Variants in SGCD observed in about 807,000 individuals in gnomAD.
SGCD encodes the protein delta-sarcoglycan.
SGCD carries 18 observed loss-of-function variants against 36.6 expected under a neutral mutation model. The observed-to-expected ratio is 0.49, with a 90% CI of 0.34 to 0.73. SGCD has a LOEUF of 0.73. Among genes scored for constraint, SGCD ranks in the 30% least tolerant of loss-of-function variants. The pLI is 0.01. For missense variants in SGCD, 387 were observed against 346.7 expected (o/e 1.12, Z -0.92); for synonymous variants, 133 against 130.6 (o/e 1.02, Z -0.12).
chr5:156,321,375 G>A lies in SGCD; in HGVS notation c.-43-8159G>A, dbSNP rs550971949. Among the ~76,000 whole-genome samples the A allele has an allele frequency of 3.3e-5, 5 of 152,166 alleles. No individual in the cohort carries two copies. The East Asian group carries it at 5.8e-4, about 18-fold the overall frequency. On this transcript the variant is annotated intron_variant, in intron 3 of 9. Transcript: ENST00000517913. ...GTGGAGCTTGCAGTGAGCCGAGATC[G>A]CACCACTGCACTCCAGCCTGGGTGA...
the SGCD span, among the ~76,000 whole-genome samples, chr5:155,803,463 G>A: frequency 2.0e-5 from 3 of 152,170 alleles, no homozygotes; most frequent in South Asian, 2.1e-4. Flanking sequence ...GACAGAGTAA[G>A]AGGGGAAATA....
At chr5:156,609,321 T>C (rs190296647) in intron 6 of SGCD, among the ~76,000 whole-genome samples, 1 of 152,346 alleles carries the variant, frequency 6.6e-6, no homozygotes, top group Non-Finnish European at 1.5e-5. Flanking sequence ...TTTGGCTGGA[T>C]ATGAGATGCT....
At chr5:156,070,035 G>A (rs1336133239) in intron 1 of SGCD, among the ~76,000 whole-genome samples, 3 of 151,846 alleles carry the variant, frequency 2.0e-5, no homozygotes, top group African/African-American at 4.9e-5. Flanking sequence ...TTTGGGCTGA[G>A]ACAATGGGGT....
chr5:156,204,501 C>T (rs1764226020), intron 3 of SGCD, among the ~76,000 whole-genome samples: 1 of 145,666 alleles, frequency 6.9e-6, no homozygotes, highest in Non-Finnish European at 1.5e-5. Flanking sequence ...CACACACACA[C>T]ACAATATCAT....
intron 3 of SGCD, among the ~76,000 whole-genome samples, chr5:156,150,645 G>A (rs1208277509): frequency 6.6e-6 from 1 of 151,632 alleles, no homozygotes; most frequent in Non-Finnish European, 1.5e-5. Flanking sequence ...AAGGACACAG[G>A]ATTTCATAAG....
chr5:156,187,108 T>C (rs1763779747), intron 3 of SGCD, among the ~76,000 whole-genome samples: 1 of 152,136 alleles, frequency 6.6e-6, no homozygotes, highest in Non-Finnish European at 1.5e-5. Context: ...AAATATTTAA[T>C]CTTACTAGAT....
At chr5:155,934,962 A>G (rs1225613989) in intron 1 of SGCD, among the ~76,000 whole-genome samples, 1 of 152,174 alleles carries the variant, frequency 6.6e-6, no homozygotes, top group Non-Finnish European at 1.5e-5. Flanking sequence ...GTCAGCACCC[A>G]GTGTTCACAG....
intron 3 of SGCD, among the ~76,000 whole-genome samples, chr5:156,189,791 C>T (rs1240049972): frequency 6.6e-6 from 1 of 152,042 alleles, no homozygotes; most frequent in Non-Finnish European, 1.5e-5. Context: ...GAGAACAGGG[C>T]GTATTAAAGC....
At chr5:156,633,187 AT>A (rs1216669180) in intron 6 of SGCD, among the ~76,000 whole-genome samples, 1 of 152,174 alleles carries the variant, frequency 6.6e-6, no homozygotes, top group African/African-American at 2.4e-5. Context: ...AGGGACTAGG[AT>A]TCTCAGTAAG....
chr5:156,735,812 G>T (rs947172767), intron 7 of SGCD, among the ~76,000 whole-genome samples: 2 of 152,146 alleles, frequency 1.3e-5, no homozygotes, highest in Non-Finnish European at 2.9e-5. Context: ...TGCCAGAGTT[G>T]CAGCTACTTG....
At chr5:156,679,325 G>A (rs924201690) in intron 7 of SGCD, among the ~76,000 whole-genome samples, 2 of 152,256 alleles carry the variant, frequency 1.3e-5, no homozygotes, top group East Asian at 1.9e-4. Flanking sequence ...AAAGGATACC[G>A]CCTCTGAGGT....
At chr5:156,421,650 A>G (rs1773315625) in intron 3 of SGCD, among the ~76,000 whole-genome samples, 1 of 152,050 alleles carries the variant, frequency 6.6e-6, no homozygotes, top group African/African-American at 2.4e-5. Context: ...TCATATCTCA[A>G]TAGCCATAGA....
chr5:156,567,439 C>T (rs925977329), intron 4 of SGCD, among the ~76,000 whole-genome samples: 2 of 150,912 alleles, frequency 1.3e-5, no homozygotes, highest in Non-Finnish European at 3.0e-5. Context: ...GATGGTAGCT[C>T]ATGTGATTAT....
intron 4 of SGCD, among the ~76,000 whole-genome samples, chr5:156,525,774 G>A (rs939722337): frequency 6.6e-6 from 1 of 151,974 alleles, no homozygotes; most frequent in Non-Finnish European, 1.5e-5. Context: ...ATAAAATAAG[G>A]ATTCAATTTC....
intron 3 of SGCD, among the ~76,000 whole-genome samples, chr5:156,249,261 C>T (rs1471645069): frequency 6.6e-6 from 1 of 151,546 alleles, no homozygotes; most frequent in Non-Finnish European, 1.5e-5. Flanking sequence ...GGACAGGCCA[C>T]AAAAATAGGA....
chr5:156,716,745 T>A (rs1044281670), intron 7 of SGCD, among the ~76,000 whole-genome samples: 8 of 152,162 alleles, frequency 5.3e-5, no homozygotes, highest in African/African-American at 1.9e-4. Context: ...ACCAGCTCCC[T>A]TGTCTCTGAG....
intron 3 of SGCD, among the ~76,000 whole-genome samples, chr5:156,359,891 G>A (rs1432923720): frequency 6.6e-6 from 1 of 152,192 alleles, no homozygotes; most frequent in Non-Finnish European, 1.5e-5. Flanking sequence ...ATCACCTACT[G>A]AACTTAGAAA....
intron 7 of SGCD, among the ~76,000 whole-genome samples, chr5:156,680,116 A>G (rs1019357555): frequency 6.6e-6 from 1 of 152,208 alleles, no homozygotes; most frequent in Admixed American, 6.5e-5. Context: ...GAAAATAATT[A>G]TTAATAATAG....
chr5:156,527,997 AT>A (rs1304784239), intron 4 of SGCD, among the ~76,000 whole-genome samples: 1 of 152,184 alleles, frequency 6.6e-6, no homozygotes, highest in African/African-American at 2.4e-5. Flanking sequence ...ATCTTGTTAT[AT>A]CATATCATAT....
Sources: gnomAD v4.1 joint callset for allele counts (sites outside exome capture counted in the v4.1 genomes callset) on GRCh38, gnomAD v4.1.1 for gene constraint, MANE v1.5 for transcripts, NCBI Gene and HGNC (gene_info 2026-07-23, HGNC 2026-07-21) for gene names.